Variants in KANSL1 observed in about 807,000 individuals in gnomAD.
KANSL1 encodes the protein KAT8 regulatory NSL complex subunit 1.
Under a neutral mutation model 103.6 loss-of-function variants are expected in KANSL1, and 22 were observed. That is an observed-to-expected ratio of 0.21 (90% CI 0.15 to 0.30). The LOEUF is 0.30. Among genes scored for constraint, KANSL1 ranks in the 10% least tolerant of loss-of-function variants. KANSL1 has a pLI of 1.00. For missense variants in KANSL1, 1,337 were observed against 1,399.8 expected (o/e 0.96, Z 0.72); for synonymous variants, 600 against 527.6 (o/e 1.14, Z -1.88).
Position 46,033,398 on chromosome 17 carries a change from A to C in KANSL1, c.2724+5T>G, listed in dbSNP as rs1327945886. 1 of 1,613,930 alleles carries C rather than the reference A, an allele frequency of 6.2e-7. No homozygotes were observed. The highest frequency in any genetic ancestry group is 1.7e-5 in the Admixed American group (1 of 60,032). The stretch of plus-strand genomic sequence containing the variant: ...GTTCTTCTAACAGAAGAACCAGGCC[A>C]TTACCTCTTCATTCTCCTCATCAGG... On this transcript the variant is annotated splice_donor_5th_base_variant and intron_variant, in intron 12 of 14. Transcript: ENST00000432791.
chr17:46,163,723 G>A (rs2045863224), intron 2 of KANSL1, among the ~76,000 whole-genome samples: 1 of 152,136 alleles, frequency 6.6e-6, no homozygotes, highest in Admixed American at 6.5e-5. Flanking sequence ...GATCCCTCCC[G>A]TCATTGCCCC....
chr17:46,199,204 G>A (rs769629429), intron 1 of KANSL1, among the ~76,000 whole-genome samples: 2 of 152,230 alleles, frequency 1.3e-5, no homozygotes, highest in African/African-American at 2.4e-5. Flanking sequence ...TTGCCAAAGC[G>A]TCAAAGCTGG....
chr17:46,091,744 C>T (rs933138205), intron 3 of KANSL1, among the ~76,000 whole-genome samples: 6 of 151,638 alleles, frequency 4.0e-5, no homozygotes, highest in African/African-American at 9.7e-5. Context: ...AGGCTATATA[C>T]CATATTGTCT....
At chr17:46,033,241 A>G in intron 12 of KANSL1, 49 bp from the exon 13 acceptor site, 1 of 1,494,238 alleles carries the variant, frequency 6.7e-7, no homozygotes. Flanking sequence ...AGGAGTTAAG[A>G]ACCAGTCCCA....
In KANSL1 at chr17:46,209,585, C is replaced by A. The variant is rs2048091904; in HGVS notation, c.-90+14086G>T. 2.0e-5 allele frequency among the ~76,000 whole-genome samples: 3 copies of A among 152,246 alleles called. No individual in the cohort carries two copies. The South Asian group carries it at 6.2e-4, about 32-fold the overall frequency. ...CTCGACTCACTGCAACCTCTGTCTC[C>A]CGGGTTCAAGCCATTCTCCCACCTC... is the stretch of plus-strand genomic sequence containing the variant. On this transcript the variant is annotated intron_variant, in intron 1 of 14. Transcript: ENST00000572904.
At chr17:46,087,156 TC>T (rs1393986112) in intron 3 of KANSL1, among the ~76,000 whole-genome samples, 3 of 152,222 alleles carry the variant, frequency 2.0e-5, no homozygotes, top group African/African-American at 7.2e-5. Flanking sequence ...TGCCAAGGTT[TC>T]TAGCTTCCAC....
intron 2 of KANSL1, among the ~76,000 whole-genome samples, chr17:46,150,927 CA>C (rs67160662): frequency 0.46 from 61,024 of 131,772 alleles, 13,494 homozygotes; most frequent in East Asian, 0.8. Context: ...CCTATTCTGT[CA>C]AAAAAAAAAA....
At chr17:46,164,730 T>C (rs879386773) in intron 2 of KANSL1, among the ~76,000 whole-genome samples, 1 of 152,262 alleles carries the variant, frequency 6.6e-6, no homozygotes, top group Non-Finnish European at 1.5e-5. Flanking sequence ...AAAATGGTGA[T>C]GAGAATAGTT....
chr17:46,076,740 T>C (rs1278685040), intron 4 of KANSL1, among the ~76,000 whole-genome samples: 1 of 152,124 alleles, frequency 6.6e-6, no homozygotes, highest in East Asian at 1.9e-4. Flanking sequence ...GTTTCAGCAA[T>C]AAAGTCATTA....
At chr17:46,061,671 T>G (rs2078162193) in intron 6 of KANSL1, among the ~76,000 whole-genome samples, 1 of 152,214 alleles carries the variant, frequency 6.6e-6, no homozygotes, top group African/African-American at 2.4e-5. Context: ...GGTTATTCCT[T>G]AGATTACATT....
At chr17:46,130,538 A>G (rs1405867893) in intron 2 of KANSL1, among the ~76,000 whole-genome samples, 1 of 152,234 alleles carries the variant, frequency 6.6e-6, no homozygotes, top group Non-Finnish European at 1.5e-5. Flanking sequence ...ATACATACAA[A>G]CAGTTCAGGA....
At chr17:46,152,277 A>G (rs2147502922) in intron 2 of KANSL1, among the ~76,000 whole-genome samples, 1 of 152,362 alleles carries the variant, frequency 6.6e-6, no homozygotes, top group Non-Finnish European at 1.5e-5. Context: ...CTAACCTGAC[A>G]TTGAGATTCT....
intron 1 of KANSL1, among the ~76,000 whole-genome samples, chr17:46,181,229 T>C (rs1392823033): frequency 6.6e-6 from 1 of 152,252 alleles, no homozygotes; most frequent in African/African-American, 2.4e-5. Flanking sequence ...TTTCATCTCC[T>C]TTGTGACGAA....
intron 1 of KANSL1, among the ~76,000 whole-genome samples, chr17:46,199,429 T>C (rs1267973155): frequency 6.7e-6 from 1 of 149,488 alleles, no homozygotes; most frequent in East Asian, 1.9e-4. Flanking sequence ...GAAATCAAGA[T>C]TTTTTTTCAT....
chr17:46,037,536 T>C (rs2077185624), intron 10 of KANSL1: 1 of 152,230 alleles, frequency 6.6e-6, no homozygotes. Flanking sequence ...GCCTGTGTAG[T>C]GTAATGGTAA....
At chr17:46,154,579 G>A (rs947131269) in intron 2 of KANSL1, among the ~76,000 whole-genome samples, 47 of 152,288 alleles carry the variant, frequency 3.1e-4, no homozygotes, top group African/African-American at 1.1e-3. Flanking sequence ...ACCGTGCCCG[G>A]GCTCTCACCA....
At position 46,179,933 on chromosome 17, in the gene KANSL1, G is replaced by A. The variant is rs534863076; in HGVS notation, c.-89-7701C>T. 8.6e-5 allele frequency among the ~76,000 whole-genome samples: 13 copies of A among 152,008 alleles called. No homozygotes were observed. In the East Asian group the frequency reaches 1.4e-3, roughly 16 times the overall value. On this transcript the variant is annotated intron_variant, in intron 1 of 14. Coordinates refer to ENST00000432791, the MANE Select transcript of KANSL1 (RefSeq NM_015443.4). ...CCAAAAATTAGCCGGGTGTGGAGGC[G>A]CGCACCTGTACTCCCAGCTACTTGG... is the stretch of plus-strand genomic sequence containing the variant.
chr17:46,170,707 G>T, intron 2 of KANSL1, 148 bp downstream of exon 2: 1 of 852,154 alleles, frequency 1.2e-6, no homozygotes, highest in Non-Finnish European at 1.8e-6. Context: ...GCATGTATAT[G>T]CACTCATCTA....
Position 46,172,035 on chromosome 17 carries a change from T to A in KANSL1, c.109A>T (p.Asn37Tyr), listed in dbSNP as rs545628591. The A allele has an allele frequency of 6.8e-6, 11 of 1,614,250 alleles. No individual in the cohort carries two copies. In the South Asian group the frequency reaches 1.1e-4, roughly 16 times the overall value. ...STLSPGSAEN[N>Y]GNANILIAAN... ...GCAATAAGGATGTTGGCGTTGCCGT[T>A]ATTTTCGGCACTGCCAGGGGACAAG... The change falls in exon 2 of 15, where the codon AAC (asparagine) becomes TAC (tyrosine). Residue 37 changes from asparagine (N) to tyrosine (Y), a missense_variant. Around this residue, in one of 2 missense-constraint regions of KANSL1, gnomAD observed 557 missense variants for 476.4 expected, o/e 1.17. Coordinates refer to ENST00000432791, the MANE Select transcript of KANSL1 (RefSeq NM_015443.4).
Sources: allele counts gnomAD v4.1 joint callset (sites outside exome capture counted in the v4.1 genomes callset), GRCh38; gene constraint gnomAD v4.1.1; regional missense constraint gnomAD v4.1.1; transcripts MANE v1.5; gene names NCBI Gene and HGNC (gene_info 2026-07-23, HGNC 2026-07-21).